The following INPP4B variants were observed in gnomAD, a reference collection of about 807,000 sequenced individuals.
The protein encoded by INPP4B is inositol polyphosphate-4-phosphatase type II B, also known as inositol polyphosphate 4-phosphatase type II.
A neutral mutation model predicts 122.5 loss-of-function variants in INPP4B; 55 were observed. The ratio of observed to expected loss-of-function variants is 0.45; its 90% CI spans 0.36 to 0.56. The LOEUF is 0.56. INPP4B is among the 20% of genes least tolerant of loss of function. The pLI, the probability that INPP4B is intolerant of heterozygous loss-of-function variation, is 0.00. For synonymous variants in INPP4B, 403 were observed against 388.7 expected, an observed-to-expected ratio of 1.04 and a Z score of -0.43; for missense variants, 1,000 against 1,097.7, an observed-to-expected ratio of 0.91 and a Z score of 1.26.
At chr4:142,458,807 G>A (rs189941627) in intron 3 of INPP4B, among the ~76,000 whole-genome samples, 1 of 152,312 alleles carries the variant, frequency 6.6e-6, no homozygotes, top group East Asian at 1.9e-4. Context: ...CAGTAGAACA[G>A]GCTTCTGTGG....
Position 142,122,254 on chromosome 4 carries a change from T to C in INPP4B, c.2018-9A>G, listed in dbSNP as rs760916886. 33 of 1,580,818 alleles carry C rather than the reference T, an allele frequency of 2.1e-5. No individual in the cohort carries two copies. In the East Asian group the frequency reaches 4.7e-4, roughly 23 times the overall value. The stretch of plus-strand genomic sequence containing the variant: ...CATTCCAATTTCATCGCCTAAACAA[T>C]AGAAAAGGCACTTAGCTACAAACAA... On this transcript the variant is annotated splice_polypyrimidine_tract_variant and intron_variant, in intron 20 of 25. Coordinates refer to ENST00000262992, the MANE Select transcript of INPP4B (RefSeq NM_001101669.3).
chr4:142,805,915 G>A (rs968413652), intron 1 of INPP4B, among the ~76,000 whole-genome samples: 2 of 151,978 alleles, frequency 1.3e-5, no homozygotes, highest in Admixed American at 6.6e-5. Context: ...AGGCTCAACT[G>A]TATTGTTAAG....
chr4:142,267,156 G>A (rs1416613942), intron 10 of INPP4B, among the ~76,000 whole-genome samples: 1 of 152,274 alleles, frequency 6.6e-6, no homozygotes, highest in African/African-American at 2.4e-5. Context: ...CAGATTAAAT[G>A]AATCCCTATC....
rs1246635927 is a variant in INPP4B, at chr4:142,027,000, A to T, written c.*1782T>A. The T allele has an allele frequency of 6.6e-6, 1 of 152,168 alleles. No homozygotes were observed. The highest frequency in any genetic ancestry group is 1.5e-5 in the Non-Finnish European group (1 of 68,026). The allele number at this position is 152,168 out of a possible 1,614,324, so 9.4% of individuals were successfully genotyped here. A position where few individuals can be genotyped will look rare whatever the true frequency, so the allele number is the denominator to read the frequency against. On this transcript the variant is annotated 3_prime_UTR_variant, in exon 26 of 26. Coordinates refer to ENST00000262992, the MANE Select transcript of INPP4B (RefSeq NM_001101669.3). ...TTAAATCTAATAGGGTAATGAAAAT[A>T]ACCACAAATCCTACCATTTTCAAAT...
At chr4:142,720,807 C>CTATATATATA (rs1462805409) in intron 2 of INPP4B, among the ~76,000 whole-genome samples, 4 of 13,726 alleles carry the variant, frequency 2.9e-4, no homozygotes, top group Non-Finnish European at 5.9e-4. Context: ...CTCTCTCTCT[C>CTATATATATA]TCTATATATA....
At chr4:142,281,572 C>T (rs1751231799) in intron 9 of INPP4B, among the ~76,000 whole-genome samples, 1 of 151,804 alleles carries the variant, frequency 6.6e-6, no homozygotes, top group South Asian at 2.1e-4. Context: ...GGTTTTATGT[C>T]TTTTTAATGG....
chr4:142,054,732 A>G (rs917854120), intron 25 of INPP4B, among the ~76,000 whole-genome samples: 7 of 152,108 alleles, frequency 4.6e-5, no homozygotes, highest in African/African-American at 9.7e-5. Context: ...AAAGATTCCT[A>G]TATCATGCTT....
intron 2 of INPP4B, among the ~76,000 whole-genome samples, chr4:142,613,492 C>T (rs949475514): frequency 1.3e-5 from 2 of 152,166 alleles, no homozygotes; most frequent in African/African-American, 4.8e-5. Context: ...ATCATACATA[C>T]ACTGATTATA....
chr4:142,535,654 G>A (rs182525881), intron 2 of INPP4B, among the ~76,000 whole-genome samples: 1 of 152,232 alleles, frequency 6.6e-6, no homozygotes, highest in East Asian at 1.9e-4. Context: ...AAACTGTTTG[G>A]TGCATGGTAG....
At chr4:142,672,888 T>C (rs944446766) in intron 2 of INPP4B, among the ~76,000 whole-genome samples, 47 of 152,200 alleles carry the variant, frequency 3.1e-4, no homozygotes, top group African/African-American at 1.0e-3. Context: ...GTTTATGATG[T>C]ATACTGAGTT....
chr4:142,134,575 C>A (rs1412558704), intron 18 of INPP4B, among the ~76,000 whole-genome samples: 1 of 151,952 alleles, frequency 6.6e-6, no homozygotes, highest in African/African-American at 2.4e-5. Context: ...GCGGGCAGAT[C>A]ACCTGAGGTC....
intron 1 of INPP4B, 41 bp from the exon 2 acceptor site, chr4:142,725,942 C>T (rs1765294327): frequency 2.5e-6 from 1 of 397,320 alleles, no homozygotes; most frequent in African/African-American, 2.1e-5. Flanking sequence ...AACAACCTTT[C>T]TTTTTTCCTC....
chr4:142,588,842 G>A (rs935608192), intron 2 of INPP4B, among the ~76,000 whole-genome samples: 3 of 151,734 alleles, frequency 2.0e-5, no homozygotes, highest in African/African-American at 7.2e-5. Flanking sequence ...ACAGCAACCC[G>A]ATTGTAAATT....
chr4:142,121,874 T>G (rs1372596759), intron 21 of INPP4B, among the ~76,000 whole-genome samples: 1 of 152,152 alleles, frequency 6.6e-6, no homozygotes, highest in Non-Finnish European at 1.5e-5. Flanking sequence ...GCTATTATTT[T>G]GAATTTCTTG....
At chr4:142,376,572 T>A (rs1306662561) in intron 7 of INPP4B, among the ~76,000 whole-genome samples, 1 of 152,028 alleles carries the variant, frequency 6.6e-6, no homozygotes, top group African/African-American at 2.4e-5. Flanking sequence ...CTGTGGACAC[T>A]TCAAAAAGTG....
intron 25 of INPP4B, among the ~76,000 whole-genome samples, chr4:142,063,440 C>G (rs1204521444): frequency 6.6e-6 from 1 of 152,158 alleles, no homozygotes; most frequent in Non-Finnish European, 1.5e-5. Context: ...AGTCCAGATT[C>G]TTCCAAGACT....
chr4:142,820,601 C>G (rs1461011014), intron 1 of INPP4B, among the ~76,000 whole-genome samples: 1 of 152,142 alleles, frequency 6.6e-6, no homozygotes, highest in African/African-American at 2.4e-5. Flanking sequence ...AATCCTTCCT[C>G]ATTTTGAGGT....
At chr4:142,692,065 G>T (rs879277636) in intron 2 of INPP4B, among the ~76,000 whole-genome samples, 56 of 152,152 alleles carry the variant, frequency 3.7e-4, no homozygotes, top group Non-Finnish European at 6.6e-4. Flanking sequence ...TCCCACTAAA[G>T]ATTTTTTTTT....
chr4:142,141,691 G>A (rs1807916161), intron 18 of INPP4B, among the ~76,000 whole-genome samples: 1 of 151,948 alleles, frequency 6.6e-6, no homozygotes, highest in South Asian at 2.1e-4. Context: ...CAAAACTACA[G>A]ATTTAAAATA....
Sources: allele counts gnomAD v4.1 joint callset (sites outside exome capture counted in the v4.1 genomes callset), GRCh38; gene constraint gnomAD v4.1.1; transcripts MANE v1.5; gene names NCBI Gene and HGNC (gene_info 2026-07-23, HGNC 2026-07-21).